ZFAND3: variants seen among roughly 807,000 people sequenced by gnomAD.
ZFAND3 encodes AN1-type zinc finger protein 3.
ZFAND3 carries 10 observed loss-of-function variants against 29.6 expected under a neutral mutation model. The observed-to-expected ratio is 0.34, with a 90% CI of 0.21 to 0.57. ZFAND3 has a LOEUF of 0.57. Ranked by LOEUF, ZFAND3 falls within the 20% of genes least tolerant of loss-of-function variation. The probability of loss-of-function intolerance (pLI) is 0.86; values close to 1 mark genes in which losing one functional copy is unlikely to be tolerated. For missense variants in ZFAND3, 230 were observed against 304.5 expected (o/e 0.76, Z 1.82); for synonymous variants, 128 against 112.6 (o/e 1.14, Z -0.87).
chr6:37,896,564 TTCTTTC>T (rs1293402909), intron 1 of ZFAND3, among the ~76,000 whole-genome samples: 9 of 146,416 alleles, frequency 6.1e-5, no homozygotes, highest in Non-Finnish European at 9.0e-5. Context: ...CTTTCTTTCT[TTCTTTC>T]TCTCTTTCTC....
intron 1 of ZFAND3, among the ~76,000 whole-genome samples, chr6:37,877,558 T>C (rs897247174): frequency 3.9e-5 from 6 of 152,182 alleles, no homozygotes; most frequent in South Asian, 2.1e-4. Context: ...GAGTCAGAGA[T>C]AATGCTTAGG....
chr6:38,128,145 A>G (rs944364685), intron 5 of ZFAND3, among the ~76,000 whole-genome samples: 1 of 152,254 alleles, frequency 6.6e-6, no homozygotes, highest in Admixed American at 6.5e-5. Context: ...TTTAGTCAAA[A>G]TAATCGGATT....
At chr6:37,931,640 T>C (rs1761598519) in intron 2 of ZFAND3, among the ~76,000 whole-genome samples, 1 of 151,978 alleles carries the variant, frequency 6.6e-6, no homozygotes, top group Non-Finnish European at 1.5e-5. Flanking sequence ...GACCAAATCA[T>C]TTGTTTTGAG....
intron 2 of ZFAND3, among the ~76,000 whole-genome samples, chr6:37,981,619 G>A (rs912676148): frequency 2.0e-5 from 3 of 151,908 alleles, no homozygotes; most frequent in Non-Finnish European, 4.4e-5. Context: ...ATATATATGT[G>A]TATGTTTTTG....
chr6:37,831,474 G>A (rs1362170893), intron 1 of ZFAND3, among the ~76,000 whole-genome samples: 5 of 152,208 alleles, frequency 3.3e-5, no homozygotes. Context: ...ACCTTGGTCT[G>A]GCTTCTGCCC....
At chr6:37,886,094 C>G (rs566180966) in intron 1 of ZFAND3, among the ~76,000 whole-genome samples, 1 of 151,588 alleles carries the variant, frequency 6.6e-6, no homozygotes, top group Non-Finnish European at 1.5e-5. Flanking sequence ...AAAAACCAGC[C>G]GGGCGTGGAG....
At chr6:37,946,937 A>G (rs761824545) in intron 2 of ZFAND3, among the ~76,000 whole-genome samples, 13 of 152,176 alleles carry the variant, frequency 8.5e-5, no homozygotes, top group Non-Finnish European at 1.9e-4. Flanking sequence ...GATGAAAAAA[A>G]GCTCTGGAGA....
At position 37,819,858 on chromosome 6, in the gene ZFAND3, A is replaced by G; in HGVS notation, c.-88A>G. On this transcript the variant is annotated 5_prime_UTR_variant, in exon 1 of 6. Coordinates refer to ENST00000287218, the MANE Select transcript of ZFAND3 (RefSeq NM_021943.3). The stretch of plus-strand genomic sequence containing the variant: ...CCCTCCCCCCGCCCCGAGCCCCCCG[A>G]CGCCGCCGCCACCGCCTCCTCAGAG... 1 of 542,978 alleles carries G rather than the reference A, an allele frequency of 1.8e-6. No homozygotes were observed. Among genetic ancestry groups the G allele is most frequent in the Non-Finnish European group, 2.5e-6 (1 of 396,870 alleles). The allele number at this position is 542,978 out of a possible 1,614,324, so 33.6% of individuals were successfully genotyped here. A position where few individuals can be genotyped will look rare whatever the true frequency, so the allele number is the denominator to read the frequency against.
chr6:37,970,744 A>G (rs1762372450), intron 2 of ZFAND3, among the ~76,000 whole-genome samples: 1 of 13,234 alleles, frequency 7.6e-5, no homozygotes, highest in Non-Finnish European at 1.0e-3. Context: ...TCTACTAAAA[A>G]TATAAAAAAA....
chr6:38,122,946 T>C (rs1765563013), intron 5 of ZFAND3, among the ~76,000 whole-genome samples: 1 of 152,216 alleles, frequency 6.6e-6, no homozygotes, highest in Non-Finnish European at 1.5e-5. Flanking sequence ...TCTGTTCAGC[T>C]GGATGAAGTC....
rs75261997 is a variant in ZFAND3 at position 37,913,196 on chromosome 6, T to G, written c.72-16763T>G. ...GAAGTTTGCTGCATCAATTGCCTCT[T>G]TTTTATGAAATATTTCTCTATAGAA... On this transcript the variant is annotated intron_variant, in intron 1 of 5. Coordinates refer to ENST00000287218, the MANE Select transcript of ZFAND3 (RefSeq NM_021943.3). Among the ~76,000 whole-genome samples, 2,595 of 152,294 alleles carry G rather than the reference T, an allele frequency of 0.017. 254 individuals carry two copies. The East Asian group carries it at 0.28, about 16-fold the overall frequency.
At chr6:38,065,689 A>G (rs942587399) in intron 3 of ZFAND3, among the ~76,000 whole-genome samples, 2 of 152,214 alleles carry the variant, frequency 1.3e-5, no homozygotes, top group Non-Finnish European at 2.9e-5. Flanking sequence ...AGTGAAGCCC[A>G]TGCTCTTAAC....
chr6:37,868,310 A>G (rs768179437), intron 1 of ZFAND3, among the ~76,000 whole-genome samples: 11 of 152,218 alleles, frequency 7.2e-5, no homozygotes, highest in Admixed American at 6.5e-5. Flanking sequence ...GTTACAAAAG[A>G]TGCAGTGGGA....
At chr6:37,853,412 G>GA (rs56738009) in intron 1 of ZFAND3, among the ~76,000 whole-genome samples, 2,009 of 65,842 alleles carry the variant, frequency 0.031, 52 homozygotes, top group African/African-American at 0.07. Flanking sequence ...TGAGCCTCAA[G>GA]AAAAAAAAAA....
intron 2 of ZFAND3, among the ~76,000 whole-genome samples, chr6:38,014,738 CG>C (rs1402479750): frequency 1.3e-5 from 2 of 152,128 alleles, no homozygotes; most frequent in East Asian, 3.9e-4. Flanking sequence ...TTTCTCCTGG[CG>C]GATGGGATTG....
At chr6:37,899,759 A>C (rs1207624829) in intron 1 of ZFAND3, among the ~76,000 whole-genome samples, 1 of 152,228 alleles carries the variant, frequency 6.6e-6, no homozygotes, top group African/African-American at 2.4e-5. Context: ...CATGGTAAAA[A>C]TTTAAACAGT....
intron 1 of ZFAND3, among the ~76,000 whole-genome samples, chr6:37,879,853 G>T (rs1297295620): frequency 1.3e-5 from 2 of 152,172 alleles, no homozygotes; most frequent in Non-Finnish European, 2.9e-5. Flanking sequence ...ATAGCATGAA[G>T]ATGTTGGCTT....
intron 1 of ZFAND3, among the ~76,000 whole-genome samples, chr6:37,901,137 G>A (rs966576027): frequency 5.3e-5 from 8 of 152,098 alleles, no homozygotes; most frequent in Non-Finnish European, 8.8e-5. Flanking sequence ...TCCAATTTTT[G>A]GCAATTCATT....
intron 2 of ZFAND3, among the ~76,000 whole-genome samples, chr6:37,951,186 G>A (rs1281684695): frequency 3.3e-5 from 5 of 152,126 alleles, no homozygotes; most frequent in African/African-American, 4.8e-5. Flanking sequence ...GGACATTGTT[G>A]ATGTATAGAA....
Sources: allele counts gnomAD v4.1 joint callset (sites outside exome capture counted in the v4.1 genomes callset), GRCh38; gene constraint gnomAD v4.1.1; transcripts MANE v1.5; gene names NCBI Gene and HGNC (gene_info 2026-07-23, HGNC 2026-07-21).